PDE4D: variants seen among roughly 807,000 people sequenced by gnomAD.
PDE4D encodes 3',5'-cyclic-AMP phosphodiesterase 4D.
PDE4D carries 24 observed loss-of-function variants against 87.4 expected under a neutral mutation model. The ratio of observed to expected loss-of-function variants is 0.27; its 90% CI spans 0.20 to 0.39. The LOEUF (loss-of-function observed/expected upper bound fraction) is 0.39. Among genes scored for constraint, PDE4D ranks in the 10% least tolerant of loss-of-function variants. PDE4D has a pLI of 1.00. For synonymous variants in PDE4D, 384 were observed against 383.2 expected, an observed-to-expected ratio of 1.00 and a Z score of -0.02; for missense variants, 714 against 1,041.0, an observed-to-expected ratio of 0.69 and a Z score of 4.32.
At chr5:59,428,374 A>G (rs1380188625) in intron 1 of PDE4D, among the ~76,000 whole-genome samples, 1 of 151,848 alleles carries the variant, frequency 6.6e-6, no homozygotes, top group Non-Finnish European at 1.5e-5. Context: ...TGAAATATCA[A>G]CTCATAGCTA....
chr5:60,200,290 G>C lies in PDE4D; in HGVS notation c.-89-14603C>G, dbSNP rs187201729. ...CATCACAAGATTACATGGCTAGTAA[G>C]TATAAATCCAGGATATGTATGTTTT... On this transcript the variant is annotated intron_variant, in intron 1 of 16. Coordinates refer to the PDE4D transcript ENST00000502484. Among the ~76,000 whole-genome samples the C allele has an allele frequency of 1.8e-3, 280 of 151,690 alleles. 3 individuals are homozygous for C. The highest frequency in any genetic ancestry group is 0.018 in the Admixed American group (269 of 15,216).
chr5:59,439,910 T>A (rs1797339006), intron 1 of PDE4D, among the ~76,000 whole-genome samples: 1 of 152,056 alleles, frequency 6.6e-6, no homozygotes, highest in Admixed American at 6.6e-5. Context: ...TTAAATAAAT[T>A]AGGAAGTGAG....
At chr5:60,449,075 A>G (rs1395488020) in intron 1 of PDE4D, among the ~76,000 whole-genome samples, 39 of 113,216 alleles carry the variant, frequency 3.4e-4, no homozygotes, top group East Asian at 3.0e-3. Flanking sequence ...GCCCGCGCAC[A>G]CACACACACA....
chr5:59,053,554 G>A lies in PDE4D; in HGVS notation c.809-14583C>T, dbSNP rs543800847. On this transcript the variant is annotated intron_variant, in intron 5 of 14. Coordinates refer to ENST00000340635, the MANE Select transcript of PDE4D (RefSeq NM_001104631.2). ...ATTATTATATGTGTGTCCTTCTGAA[G>A]ACTTCATATTTTCATTATATATCTT... 5.8e-3 allele frequency among the ~76,000 whole-genome samples: 875 copies of A among 151,282 alleles called. 6 individuals carry two copies. The highest frequency in any genetic ancestry group is 9.7e-3 in the Non-Finnish European group (658 of 67,900).
intron 2 of PDE4D, among the ~76,000 whole-genome samples, chr5:60,026,789 C>T (rs7703240): frequency 0.5 from 75,833 of 151,934 alleles, 19,408 homozygotes; most frequent in East Asian, 0.82. Flanking sequence ...AATGATTTGC[C>T]GTGGCATTTA....
chr5:60,304,673 A>G (rs1754307551), intron 1 of PDE4D, among the ~76,000 whole-genome samples: 1 of 146,374 alleles, frequency 6.8e-6, no homozygotes, highest in Non-Finnish European at 1.5e-5. Flanking sequence ...AAAAAAAAAA[A>G]AGAAATGGAG....
At chr5:59,473,813 A>G (rs1802855280) in intron 1 of PDE4D, among the ~76,000 whole-genome samples, 3 of 152,182 alleles carry the variant, frequency 2.0e-5, no homozygotes, top group African/African-American at 7.2e-5. Flanking sequence ...GCCATAAAGT[A>G]AACTATCAGA....
intron 1 of PDE4D, among the ~76,000 whole-genome samples, chr5:59,798,574 G>A (rs933504390): frequency 6.6e-6 from 1 of 151,946 alleles, no homozygotes; most frequent in Non-Finnish European, 1.5e-5. Flanking sequence ...GGTACGGAAG[G>A]GTAGGAATGA....
At chr5:59,057,880 T>G (rs775935280) in intron 5 of PDE4D, among the ~76,000 whole-genome samples, 5 of 152,192 alleles carry the variant, frequency 3.3e-5, no homozygotes, top group Non-Finnish European at 7.3e-5. Context: ...TGCCATATTA[T>G]CTAGCATTAG....
intron 2 of PDE4D, among the ~76,000 whole-genome samples, chr5:59,209,210 G>A (rs1176804163): frequency 6.6e-6 from 1 of 151,718 alleles, no homozygotes; most frequent in South Asian, 2.1e-4. Flanking sequence ...TCTTGAGGCA[G>A]GGTCTCACTC....
chr5:59,585,368 A>G (rs1221776506), intron 1 of PDE4D, among the ~76,000 whole-genome samples: 1 of 152,104 alleles, frequency 6.6e-6, no homozygotes, highest in Non-Finnish European at 1.5e-5. Flanking sequence ...GCCCTCCGAA[A>G]CCTATATTTA....
chr5:60,287,988 G>T (rs771524931), intron 1 of PDE4D, among the ~76,000 whole-genome samples: 53 of 152,256 alleles, frequency 3.5e-4, no homozygotes, highest in Non-Finnish European at 5.0e-4. Context: ...CATCAATATT[G>T]TACCTAGAGC....
At chr5:59,290,848 G>A (rs570377497) in intron 1 of PDE4D, among the ~76,000 whole-genome samples, 6 of 152,024 alleles carry the variant, frequency 3.9e-5, no homozygotes, top group South Asian at 2.1e-4. Context: ...ATCATTGATC[G>A]TCAGAGAAAT....
chr5:59,034,378 C>A (rs1183356881), intron 6 of PDE4D, among the ~76,000 whole-genome samples: 1 of 152,036 alleles, frequency 6.6e-6, no homozygotes, highest in Non-Finnish European at 1.5e-5. Context: ...AACTAACATG[C>A]CTTTTCCAAT....
At chr5:59,355,447 G>A (rs1275241310) in intron 1 of PDE4D, among the ~76,000 whole-genome samples, 2 of 152,050 alleles carry the variant, frequency 1.3e-5, no homozygotes, top group Non-Finnish European at 2.9e-5. Flanking sequence ...GCCACCATAT[G>A]TTGGAAATAT....
intron 1 of PDE4D, among the ~76,000 whole-genome samples, chr5:60,403,256 A>G (rs1200438370): frequency 6.6e-6 from 1 of 152,256 alleles, no homozygotes; most frequent in African/African-American, 2.4e-5. Flanking sequence ...ACAGGGACAT[A>G]TAACTGAATA....
chr5:59,719,920 C>T (rs1165000092), intron 1 of PDE4D, among the ~76,000 whole-genome samples: 1 of 152,174 alleles, frequency 6.6e-6, no homozygotes, highest in Non-Finnish European at 1.5e-5. Context: ...AATTCAAACT[C>T]TGCTATTTCT....
At chr5:59,351,291 T>C (rs2153587026) in intron 1 of PDE4D, among the ~76,000 whole-genome samples, 1 of 152,288 alleles carries the variant, frequency 6.6e-6, no homozygotes, top group South Asian at 2.1e-4. Context: ...AGAGCCAAAG[T>C]TCTCCTCCTA....
chr5:60,013,006 T>A (rs1487702953), intron 2 of PDE4D, among the ~76,000 whole-genome samples: 1 of 152,196 alleles, frequency 6.6e-6, no homozygotes, highest in Non-Finnish European at 1.5e-5. Flanking sequence ...GCTATTTGTC[T>A]CAACATACTG....
Sources: gnomAD v4.1 joint callset for allele counts (sites outside exome capture counted in the v4.1 genomes callset) on GRCh38, gnomAD v4.1.1 for gene constraint, MANE v1.5 for transcripts, NCBI Gene and HGNC (gene_info 2026-07-23, HGNC 2026-07-21) for gene names.